C19orf47: variants seen among roughly 807,000 people sequenced by gnomAD.
C19orf47 encodes the protein uncharacterized protein C19orf47.
A neutral mutation model predicts 32.3 loss-of-function variants in C19orf47; 18 were observed. The ratio of observed to expected loss-of-function variants is 0.56; its 90% CI spans 0.39 to 0.83. The LOEUF (loss-of-function observed/expected upper bound fraction) is 0.83. C19orf47 is among the 40% of genes least tolerant of loss of function. The probability of loss-of-function intolerance (pLI) is 0.00; values close to 1 mark genes in which losing one functional copy is unlikely to be tolerated. For synonymous variants in C19orf47, 202 were observed against 211.1 expected (o/e 0.96, Z 0.37); for missense variants, 484 against 531.6 (o/e 0.91, Z 0.88).
At chr19:40,306,566 C>A in the C19orf47 span, among the ~76,000 whole-genome samples, 23 of 151,730 alleles carry the variant, frequency 1.5e-4, no homozygotes, top group African/African-American at 5.6e-4. Flanking sequence ...TCACGCCCAG[C>A]TGATTTTTGT....
chr19:40,338,354 C>A (rs1392893986), intron 2 of C19orf47, among the ~76,000 whole-genome samples: 2 of 149,746 alleles, frequency 1.3e-5, no homozygotes, highest in East Asian at 1.9e-4. Context: ...TATATACACA[C>A]ACACACACAA....
the C19orf47 span, among the ~76,000 whole-genome samples, chr19:40,294,955 G>A: frequency 1.3e-5 from 2 of 152,268 alleles, no homozygotes; most frequent in Non-Finnish European, 1.5e-5. Flanking sequence ...TAGCGGGTCA[G>A]TGAGTGTCAT....
In C19orf47 at chr19:40,341,825, G is replaced by A. The variant is rs1253662758; in HGVS notation, c.19+14C>T. The A allele has an allele frequency of 3.9e-6, 6 of 1,536,016 alleles. No individual in the cohort carries two copies. The highest frequency in any genetic ancestry group is 5.2e-6 in the Non-Finnish European group (6 of 1,146,890). ...TGGGGAGAGGGGGCCCTGGAGAGAA[G>A]GCCACAGACTCACCCATAGTCACGG... On this transcript the variant is annotated intron_variant, in intron 2 of 8. Coordinates refer to ENST00000683109, the MANE Select transcript of C19orf47 (RefSeq NM_001256441.2).
Position 40,321,761 on chromosome 19 carries a change from G to A in C19orf47, c.*121C>T, listed in dbSNP as rs978430184. The A allele has an allele frequency of 1.7e-5, 24 of 1,438,064 alleles. No homozygotes were observed. The Admixed American group carries it at 2.0e-4, about 12-fold the overall frequency. 89.1% of individuals were successfully genotyped at this position (1,438,064 alleles called of 1,614,324 possible). ...CCGAATGCTCGGGCCTAGCTCTAGA[G>A]CCCGAGGGAGACAAGCTGTGTCATC... is the stretch of plus-strand genomic sequence containing the variant. On this transcript the variant is annotated 3_prime_UTR_variant, in exon 9 of 9. Coordinates refer to ENST00000683109, the MANE Select transcript of C19orf47 (RefSeq NM_001256441.2).
intron 2 of C19orf47, among the ~76,000 whole-genome samples, chr19:40,337,224 G>A (rs2078082213): frequency 6.6e-6 from 1 of 151,778 alleles, no homozygotes; most frequent in South Asian, 2.1e-4. Flanking sequence ...GACTCAATGA[G>A]AACCTCCATA....
chr19:40,304,241 T>C, the C19orf47 span, among the ~76,000 whole-genome samples: 1 of 152,184 alleles, frequency 6.6e-6, no homozygotes, highest in African/African-American at 2.4e-5. Context: ...ATGAAGAAGT[T>C]CGAGAAATGC....
downstream of C19orf47, among the ~76,000 whole-genome samples, chr19:40,317,590 G>A (rs1334646625): frequency 6.6e-6 from 1 of 152,104 alleles, no homozygotes; most frequent in Non-Finnish European, 1.5e-5. Flanking sequence ...AGGCGGCATC[G>A]GCTCAGGTCA....
chr19:40,305,068 C>T, the C19orf47 span, among the ~76,000 whole-genome samples: 1 of 151,928 alleles, frequency 6.6e-6, no homozygotes, highest in Non-Finnish European at 1.5e-5. Flanking sequence ...TTAGGCCAGG[C>T]GCGGTGGCTC....
rs572011577 is a variant in C19orf47, at chr19:40,322,525, T to C, written c.664-149A>G. 1.1e-4 allele frequency: 121 copies of C among 1,095,208 alleles called. No individual in the cohort carries two copies. The African/African-American group carries it at 1.7e-3, about 16-fold the overall frequency. The allele number at this position is 1,095,208 out of a possible 1,614,324, so 67.8% of individuals were successfully genotyped here. The stretch of plus-strand genomic sequence containing the variant: ...CCCCAGATAGTGGCGAGAGCCATGA[T>C]GGGGGAGTCCAGGGGACTGGAGGAG... On this transcript the variant is annotated intron_variant, in intron 8 of 8. Coordinates refer to ENST00000683109, the MANE Select transcript of C19orf47 (RefSeq NM_001256441.2).
At chr19:40,298,570 C>T in the C19orf47 span, among the ~76,000 whole-genome samples, 206 of 152,188 alleles carry the variant, frequency 1.4e-3, 2 homozygotes, top group Non-Finnish European at 1.2e-3. Context: ...AACTATTCTG[C>T]GAGAAAACAC....
At chr19:40,306,130 G>A in the C19orf47 span, among the ~76,000 whole-genome samples, 38 of 115,562 alleles carry the variant, frequency 3.3e-4, no homozygotes, top group East Asian at 2.3e-3. Context: ...CAGCCTGGAC[G>A]ACAAGAGCAA....
chr19:40,321,933 G>A lies in C19orf47; in HGVS notation c.1107C>T (p.Asp369=), dbSNP rs191040961. ...TGAACACGCTCACAGTGCCCGCGTG[G>A]TCCATCTGGGCACCAAGGCCCTCGC... The part of the protein sequence containing the change: ...SSSEGLGAQM[D]HAGTVSVFKR... Residue 369 remains aspartate (D), a synonymous_variant, in exon 9 of 9, where the codon GAC becomes GAT. Transcript: ENST00000683109. 1.5e-5 allele frequency: 24 copies of A among 1,613,384 alleles called. 2 individuals are homozygous for A. The Admixed American group carries it at 3.8e-4, about 26-fold the overall frequency.
At chr19:40,309,463 A>G in the C19orf47 span, among the ~76,000 whole-genome samples, 1 of 152,102 alleles carries the variant, frequency 6.6e-6, no homozygotes, top group East Asian at 1.9e-4. Context: ...TGCTGGGATT[A>G]CAGGCGGGAG....
chr19:40,331,527 A>C (rs1287293248), intron 5 of C19orf47, among the ~76,000 whole-genome samples: 1 of 152,136 alleles, frequency 6.6e-6, no homozygotes, highest in East Asian at 1.9e-4. Context: ...AATCCCAGCT[A>C]TTCAGGAGGC....
At chr19:40,338,268 C>T (rs62107626) in intron 2 of C19orf47, among the ~76,000 whole-genome samples, 21,986 of 138,256 alleles carry the variant, frequency 0.16, 1,713 homozygotes, top group African/African-American at 0.18. Flanking sequence ...CATATATATA[C>T]ACACACACAC....
intron 7 of C19orf47, chr19:40,324,478 A>G (rs974976145): frequency 5.3e-6 from 1 of 188,124 alleles, no homozygotes; most frequent in Non-Finnish European, 1.1e-5. Flanking sequence ...ATTATGGTAT[A>G]TGAATACTCT....
intron 2 of C19orf47, among the ~76,000 whole-genome samples, chr19:40,338,885 C>G (rs148272704): frequency 6.6e-6 from 1 of 152,280 alleles, no homozygotes; most frequent in African/African-American, 2.4e-5. Flanking sequence ...GGCTGCACAA[C>G]TCTGTGAACA....
At chr19:40,348,429 C>T (rs1464891475), upstream of C19orf47, 8 of 1,497,492 alleles carry the variant, frequency 5.3e-6, no homozygotes, top group Admixed American at 4.4e-5. Flanking sequence ...CCGGAAGCAT[C>T]CTCTCACCGC....
In C19orf47 at chr19:40,320,314, G is replaced by A; in HGVS notation, c.*1568C>T. 1 of 155,858 alleles carries A rather than the reference G, an allele frequency of 6.4e-6. No individual in the cohort carries two copies. The highest frequency in any genetic ancestry group is 1.9e-4 in the South Asian group (1 of 5,310). 9.7% of individuals were successfully genotyped at this position (155,858 alleles called of 1,614,324 possible). A position where few individuals can be genotyped will look rare whatever the true frequency, so the allele number is the denominator to read the frequency against. Reference sequence around the variant, plus strand: ...CCCAGCTCCAAATCCTCCCGATCCAGCACTCCCGGGTCACTGTGCACATTC... The same window carrying A: ...CCCAGCTCCAAATCCTCCCGATCCAACACTCCCGGGTCACTGTGCACATTC... On this transcript the variant is annotated 3_prime_UTR_variant, in exon 9 of 9. Transcript: ENST00000683109.
Sources: allele counts gnomAD v4.1 joint callset (sites outside exome capture counted in the v4.1 genomes callset), GRCh38; gene constraint gnomAD v4.1.1; transcripts MANE v1.5; gene names NCBI Gene and HGNC (gene_info 2026-07-23, HGNC 2026-07-21).